Variants in EFEMP1 observed in about 807,000 individuals in gnomAD.
EFEMP1 encodes EGF-like fibulin extracellular matrix protein 1.
In EFEMP1, 18 loss-of-function variants were observed where a neutral mutation model predicts 65.7. The observed-to-expected ratio is 0.27, with a 90% CI of 0.19 to 0.41. The LOEUF (loss-of-function observed/expected upper bound fraction) is 0.41, where lower values mean the gene tolerates loss of function less well. Among genes scored for constraint, EFEMP1 ranks in the 10% least tolerant of loss-of-function variants. EFEMP1 has a pLI of 1.00. For synonymous variants in EFEMP1, 237 were observed against 219.7 expected (o/e 1.08, Z -0.70); for missense variants, 469 against 624.8 (o/e 0.75, Z 2.66).
chr2:55,868,647 A>G (rs1332888387), intron 11 of EFEMP1, among the ~76,000 whole-genome samples: 1 of 152,158 alleles, frequency 6.6e-6, no homozygotes, highest in African/African-American at 2.4e-5. Flanking sequence ...GACAGCCCAC[A>G]TTGATTTTTT....
intron 5 of EFEMP1, among the ~76,000 whole-genome samples, chr2:55,903,442 T>C (rs1260873769): frequency 6.6e-6 from 1 of 152,192 alleles, no homozygotes; most frequent in Admixed American, 6.5e-5. Context: ...GGAAGGATAC[T>C]GTCAGCTACT....
Position 55,922,949 on chromosome 2 carries a change from A to C in EFEMP1, c.-48-10T>G, listed in dbSNP as rs1399577486. On this transcript the variant is annotated splice_polypyrimidine_tract_variant and intron_variant, in intron 1 of 11. Transcript: ENST00000355426. This position sits in a 1 kb window ranked among gnomAD's most constrained non-coding sequence, Gnocchi z 5.5. Reference sequence around the variant, plus strand: ...AGCACAGCAAAAATACCTGTGAGCCAATATGAATTGCCTTGGCCTCAAGCT... The same window carrying C: ...AGCACAGCAAAAATACCTGTGAGCCCATATGAATTGCCTTGGCCTCAAGCT... 2.0e-6 allele frequency: 2 copies of C among 1,018,492 alleles called. No individual in the cohort carries two copies. The highest frequency in any genetic ancestry group is 2.4e-6 in the Non-Finnish European group (2 of 848,936). 63.1% of individuals were successfully genotyped at this position (1,018,492 alleles called of 1,614,324 possible). A position where few individuals can be genotyped will look rare whatever the true frequency, so the allele number is the denominator to read the frequency against.
At chr2:55,916,649 C>A (rs1447467447) in intron 5 of EFEMP1, among the ~76,000 whole-genome samples, 1 of 152,190 alleles carries the variant, frequency 6.6e-6, no homozygotes, top group East Asian at 1.9e-4. Context: ...CCACGTGTGC[C>A]ATACACGTAT....
chr2:55,867,307 A>G lies in EFEMP1; in HGVS notation c.1321-73T>C, dbSNP rs2104361049. On this transcript the variant is annotated intron_variant, in intron 11 of 11. Transcript: ENST00000355426. This position sits in a 1 kb window ranked among gnomAD's most constrained non-coding sequence, Gnocchi z 4.3. ...TGGAGTTTCTATGCTTTGTTAGTATACCTCCTATAAGAATTAGGGGGAGAA... is the reference window on the plus strand; with the variant it reads ...TGGAGTTTCTATGCTTTGTTAGTATGCCTCCTATAAGAATTAGGGGGAGAA... 1 of 1,507,946 alleles carries G rather than the reference A, an allele frequency of 6.6e-7. No homozygotes were observed. Among genetic ancestry groups the G allele is most frequent in the Non-Finnish European group, 9.0e-7 (1 of 1,107,190 alleles). 93.4% of individuals were successfully genotyped at this position (1,507,946 alleles called of 1,614,324 possible).
At chr2:55,898,615 G>A (rs892331822) in intron 5 of EFEMP1, among the ~76,000 whole-genome samples, 1 of 152,078 alleles carries the variant, frequency 6.6e-6, no homozygotes, top group African/African-American at 2.4e-5. Flanking sequence ...TTAACCATAT[G>A]TGTAAATGTA....
Position 55,918,034 on chromosome 2 carries a change from T to C in EFEMP1, c.148A>G (p.Ile50Val), listed in dbSNP as rs1233651031. Residue 50 changes from isoleucine (I) to valine (V), a missense_variant, in exon 5 of 12, where the codon ATT (isoleucine) becomes GTT (valine). Coordinates refer to ENST00000355426, the MANE Select transcript of EFEMP1 (RefSeq NM_001039348.3). ...CCACCTTTACAAGCGTCTGGGACAATGTCACATTCATCAATATCTGTGGTC... is the reference window on the plus strand; with the variant it reads ...CCACCTTTACAAGCGTCTGGGACAACGTCACATTCATCAATATCTGTGGTC... Reference protein sequence around the residue: ...QQCKDIDECDIVPDACKGGMK... With the variant: ...QQCKDIDECDVVPDACKGGMK... 1 of 1,614,228 alleles carries C rather than the reference T, an allele frequency of 6.2e-7. No homozygotes were observed. Among genetic ancestry groups the C allele is most frequent in the South Asian group, 1.1e-5 (1 of 91,080 alleles).
chr2:55,917,555 T>C lies in EFEMP1; in HGVS notation c.517+110A>G. ...ATTAAATATAATGCAGACAAAGCAC[T>C]TAGCATGATGTCTGGCACGCGAGAA... On this transcript the variant is annotated intron_variant, in intron 5 of 11. Coordinates refer to ENST00000355426, the MANE Select transcript of EFEMP1 (RefSeq NM_001039348.3). The surrounding 1 kb of genome is among the most constrained non-coding windows in gnomAD (Gnocchi z 6.3). 2.2e-6 allele frequency: 3 copies of C among 1,377,080 alleles called. No homozygotes were observed. Among genetic ancestry groups the C allele is most frequent in the Non-Finnish European group, 3.1e-6 (3 of 965,254 alleles). The allele number at this position is 1,377,080 out of a possible 1,614,324, so 85.3% of individuals were successfully genotyped here.
intron 6 of EFEMP1, among the ~76,000 whole-genome samples, chr2:55,880,043 A>G (rs1440751716): frequency 6.6e-6 from 1 of 152,162 alleles, no homozygotes; most frequent in Non-Finnish European, 1.5e-5. Context: ...TTTGTTGTGT[A>G]AAGAGCTTGT....
chr2:55,897,546 C>T (rs963470498), intron 5 of EFEMP1, among the ~76,000 whole-genome samples: 1 of 152,032 alleles, frequency 6.6e-6, no homozygotes, highest in Non-Finnish European at 1.5e-5. Context: ...TTTACCTTTC[C>T]AAACTAGCTG....
At chr2:55,898,675 G>A (rs1404975086) in intron 5 of EFEMP1, among the ~76,000 whole-genome samples, 1 of 152,058 alleles carries the variant, frequency 6.6e-6, no homozygotes, top group Non-Finnish European at 1.5e-5. Flanking sequence ...TTTTCATTAT[G>A]TCACTCTTCG....
rs796758221 is a variant in EFEMP1, at chr2:55,904,966, CT to C, written c.517+12698del. Among the ~76,000 whole-genome samples, 298 of 70,532 alleles carry C rather than the reference CT, an allele frequency of 4.2e-3. 3 individuals carry two copies. The South Asian group carries it at 0.058, about 14-fold the overall frequency. The allele number at this position is 70,532 out of a possible 152,430, so 46.3% of individuals were successfully genotyped here. A position where few individuals can be genotyped will look rare whatever the true frequency, so the allele number is the denominator to read the frequency against. On this transcript the variant is annotated intron_variant, in intron 5 of 11. Transcript: ENST00000355426. ...TTTCTTCTCTTCTAAGGGATAGTGG[CT>C]TTTTTTTTTTTCTTTTTCTTTTTTT...
In EFEMP1 at chr2:55,919,128, G is replaced by A. The variant is rs1670818789; in HGVS notation, c.82-861C>T. ...GCAGGATTTTTCCAGGTGAATGTGG[G>A]AATTCTAGGAAGAGAGGCTATTGTG... On this transcript the variant is annotated intron_variant, in intron 3 of 11. Transcript: ENST00000355426. This position sits in a 1 kb window ranked among gnomAD's most constrained non-coding sequence, Gnocchi z 4.5. Among the ~76,000 whole-genome samples, 1 of 152,176 alleles carries A rather than the reference G, an allele frequency of 6.6e-6. No homozygotes were observed. Among genetic ancestry groups the A allele is most frequent in the Non-Finnish European group, 1.5e-5 (1 of 68,030 alleles).
In EFEMP1 at chr2:55,873,761, T is replaced by A. The variant is rs892747013; in HGVS notation, c.1000+1185A>T. ...AGTGGTTGGAGTCTAGTCGAAAAAT[T>A]GTGTGCCTATTATAAAATCCCAGGT... On this transcript the variant is annotated intron_variant, in intron 9 of 11. Transcript: ENST00000355426. The surrounding 1 kb of genome is among the most constrained non-coding windows in gnomAD (Gnocchi z 4.6). Among the ~76,000 whole-genome samples, 3 of 151,980 alleles carry A rather than the reference T, an allele frequency of 2.0e-5. No individual in the cohort carries two copies. The highest frequency in any genetic ancestry group is 6.6e-5 in the Admixed American group (1 of 15,234).
intron 5 of EFEMP1, among the ~76,000 whole-genome samples, chr2:55,902,150 A>C (rs574461476): frequency 5.9e-5 from 9 of 152,238 alleles, no homozygotes; most frequent in Non-Finnish European, 7.3e-5. Context: ...TTGTTGTTTT[A>C]AGTCACTAAG....
intron 5 of EFEMP1, among the ~76,000 whole-genome samples, chr2:55,893,404 C>T (rs947640912): frequency 5.9e-5 from 9 of 152,098 alleles, no homozygotes; most frequent in African/African-American, 2.2e-4. Flanking sequence ...TTAAACAACT[C>T]ACTGACAGAA....
Position 55,877,969 on chromosome 2 carries a change from G to A in EFEMP1, c.641-104C>T. The stretch of plus-strand genomic sequence containing the variant: ...ATGTAGAGAAAATCTCTTTTTAAAA[G>A]TAATAATTTCCTATTTTGTTAAAAT... On this transcript the variant is annotated intron_variant, in intron 6 of 11. Coordinates refer to ENST00000355426, the MANE Select transcript of EFEMP1 (RefSeq NM_001039348.3). The surrounding 1 kb of genome is among the most constrained non-coding windows in gnomAD (Gnocchi z 4.5). The A allele has an allele frequency of 7.2e-7, 1 of 1,395,292 alleles. No homozygotes were observed. The highest frequency in any genetic ancestry group is 9.9e-7 in the Non-Finnish European group (1 of 1,014,636). 86.4% of individuals were successfully genotyped at this position (1,395,292 alleles called of 1,614,324 possible).
At chr2:55,876,410 C>T (rs1437492492) in intron 8 of EFEMP1, among the ~76,000 whole-genome samples, 1 of 152,076 alleles carries the variant, frequency 6.6e-6, no homozygotes, top group African/African-American at 2.4e-5. Flanking sequence ...TTAGAGCCAG[C>T]CTGCACCTAA....
At position 55,871,553 on chromosome 2, in the gene EFEMP1, CA is replaced by C. The variant is rs1229114067; in HGVS notation, c.1001-431del. Among the ~76,000 whole-genome samples, 1 of 151,848 alleles carries C rather than the reference CA, an allele frequency of 6.6e-6. No homozygotes were observed. The highest frequency in any genetic ancestry group is 2.4e-5 in the African/African-American group (1 of 41,342). On this transcript the variant is annotated intron_variant, in intron 9 of 11. Coordinates refer to ENST00000355426, the MANE Select transcript of EFEMP1 (RefSeq NM_001039348.3). The surrounding 1 kb of genome is among the most constrained non-coding windows in gnomAD (Gnocchi z 4.2). ...GTGGAGCAGAGTTGGGTAATTTTGC[CA>C]GGGGGATTAGGGAAGGCTGAAGGAA...
At position 55,881,716 on chromosome 2, in the gene EFEMP1, G is replaced by A. The variant is rs770855142; in HGVS notation, c.536C>T (p.Ala179Val). The A allele has an allele frequency of 8.7e-6, 14 of 1,613,920 alleles. No homozygotes were observed. Among genetic ancestry groups the A allele is most frequent in the Non-Finnish European group, 1.2e-5 (14 of 1,179,886 alleles). ...GTCTGCTCTACAGTTGTGCGTCCCT[G>A]CAGTGCACTCGTCTATGTCTGTCAG... ...NVCQDIDECTAGTHNCRADQV... is the reference protein window; with the variant it reads ...NVCQDIDECTVGTHNCRADQV... Residue 179 changes from alanine (A) to valine (V), a missense_variant, in exon 6 of 12, where the codon GCA becomes GTA. Ala to Val is a moderately conservative substitution (Grantham distance 64). Around this residue, in one of 3 missense-constraint regions of EFEMP1, gnomAD observed 399 missense variants for 528.2 expected, o/e 0.76. Coordinates refer to ENST00000355426, the MANE Select transcript of EFEMP1 (RefSeq NM_001039348.3).
Sources: gnomAD v4.1 joint callset for allele counts (sites outside exome capture counted in the v4.1 genomes callset) on GRCh38, gnomAD v4.1.1 for gene constraint, gnomAD v4.1.1 regional missense constraint, Gnocchi (gnomAD v3.1) non-coding constraint, MANE v1.5 for transcripts, NCBI Gene and HGNC (gene_info 2026-07-23, HGNC 2026-07-21) for gene names.